TBC1D5: variants seen among roughly 807,000 people sequenced by gnomAD.
TBC1D5 encodes TBC1 domain family member 5, also known as TBC1 domain family, member 5.
Under a neutral mutation model 100.3 loss-of-function variants are expected in TBC1D5, and 75 were observed. The ratio of observed to expected loss-of-function variants is 0.75; its 90% CI spans 0.62 to 0.91. The LOEUF (loss-of-function observed/expected upper bound fraction) is 0.91. TBC1D5 is among the 40% of genes least tolerant of loss of function. The pLI is 0.00. For missense variants in TBC1D5, 910 were observed against 942.4 expected, an observed-to-expected ratio of 0.97 and a Z score of 0.45; for synonymous variants, 323 against 325.6, an observed-to-expected ratio of 0.99 and a Z score of 0.09.
At chr3:17,385,116 C>G (rs2093098686) in intron 8 of TBC1D5, among the ~76,000 whole-genome samples, 1 of 151,938 alleles carries the variant, frequency 6.6e-6, no homozygotes, top group South Asian at 2.1e-4. Context: ...TGCTTAACTG[C>G]CTCATCTATT....
intron 2 of TBC1D5, among the ~76,000 whole-genome samples, chr3:17,567,606 TA>T (rs1177303438): frequency 2.6e-5 from 4 of 151,694 alleles, no homozygotes; most frequent in Non-Finnish European, 5.9e-5. Flanking sequence ...GATGGGAACT[TA>T]AACATGTAAT....
intron 13 of TBC1D5, among the ~76,000 whole-genome samples, chr3:17,327,961 T>G (rs1207133960): frequency 3.3e-5 from 5 of 152,268 alleles, no homozygotes; most frequent in Admixed American, 6.5e-5. Context: ...TAGAGTTGGA[T>G]GTGACTTTAA....
At chr3:17,595,885 G>A (rs1218777584) in intron 2 of TBC1D5, among the ~76,000 whole-genome samples, 1 of 152,162 alleles carries the variant, frequency 6.6e-6, no homozygotes. Flanking sequence ...CTTGCTAGAA[G>A]TGTTAACATT....
chr3:17,662,319 A>G (rs949307857), intron 1 of TBC1D5, among the ~76,000 whole-genome samples: 9 of 152,200 alleles, frequency 5.9e-5, no homozygotes, highest in African/African-American at 1.9e-4. Context: ...GAGTTAAGCC[A>G]TTTTATCTCC....
chr3:17,272,103 G>A (rs1285982225), intron 15 of TBC1D5, among the ~76,000 whole-genome samples: 1 of 152,118 alleles, frequency 6.6e-6, no homozygotes, highest in African/African-American at 2.4e-5. Context: ...GAAAGGAGAG[G>A]TGCAGCTTAG....
chr3:17,345,970 A>C (rs1277264927), intron 13 of TBC1D5, among the ~76,000 whole-genome samples: 1 of 152,016 alleles, frequency 6.6e-6, no homozygotes, highest in African/African-American at 2.4e-5. Flanking sequence ...CCTAATGCTA[A>C]ATGACGAGTT....
At chr3:17,194,985 A>G (rs2070459063) in intron 18 of TBC1D5, among the ~76,000 whole-genome samples, 1 of 152,252 alleles carries the variant, frequency 6.6e-6, no homozygotes, top group Non-Finnish European at 1.5e-5. Context: ...ATTAGGACCA[A>G]CTTCACATAG....
At chr3:17,414,434 A>G (rs1222048813) in intron 4 of TBC1D5, among the ~76,000 whole-genome samples, 3 of 152,242 alleles carry the variant, frequency 2.0e-5, no homozygotes, top group Non-Finnish European at 2.9e-5. Flanking sequence ...AAAGATTTCA[A>G]TCAATGCCAA....
intron 1 of TBC1D5, among the ~76,000 whole-genome samples, chr3:17,675,044 T>G (rs2068445714): frequency 6.6e-6 from 1 of 152,042 alleles, no homozygotes; most frequent in African/African-American, 2.4e-5. Flanking sequence ...ACTCTAATTT[T>G]TAAAATTTGA....
chr3:17,456,430 A>G (rs1179679666), intron 3 of TBC1D5, among the ~76,000 whole-genome samples: 2 of 152,224 alleles, frequency 1.3e-5, no homozygotes, highest in Admixed American at 6.5e-5. Flanking sequence ...AAGACTATAT[A>G]AGGAGCTCAC....
intron 8 of TBC1D5, among the ~76,000 whole-genome samples, chr3:17,395,664 C>T (rs895973525): frequency 1.3e-5 from 2 of 152,086 alleles, no homozygotes; most frequent in African/African-American, 2.4e-5. Flanking sequence ...AAAGCAAAAA[C>T]TCTATTGGTC....
At chr3:17,566,227 G>A (rs1470592866) in intron 2 of TBC1D5, among the ~76,000 whole-genome samples, 2 of 152,006 alleles carry the variant, frequency 1.3e-5, no homozygotes, top group Admixed American at 6.6e-5. Flanking sequence ...ACAGTCTGCT[G>A]TGAACATGTG....
Position 17,541,434 on chromosome 3 carries a change from G to C in TBC1D5, c.-35-32829C>G, listed in dbSNP as rs149170249. 3.5e-3 allele frequency among the ~76,000 whole-genome samples: 539 copies of C among 152,006 alleles called. 5 individuals carry two copies. The highest frequency in any genetic ancestry group is 6.4e-3 in the Non-Finnish European group (435 of 67,958). On this transcript the variant is annotated intron_variant, in intron 2 of 21. Coordinates refer to ENST00000253692, the Ensembl canonical transcript of TBC1D5. ...TTTCACTTCCCTGGTTAATTCCTAA[G>C]TATTTTTTTTGATGCTATTGTAAAT...
intron 3 of TBC1D5, among the ~76,000 whole-genome samples, chr3:17,493,117 A>G (rs895588578): frequency 6.6e-6 from 1 of 152,206 alleles, no homozygotes; most frequent in Non-Finnish European, 1.5e-5. Flanking sequence ...AGATCTTGCA[A>G]GGCAAGCCTA....
At chr3:17,175,032 G>A (rs1204333428) in intron 19 of TBC1D5, among the ~76,000 whole-genome samples, 2 of 152,348 alleles carry the variant, frequency 1.3e-5, no homozygotes, top group East Asian at 1.9e-4. Flanking sequence ...AGATTTAAGA[G>A]ATACTAATAT....
chr3:17,394,594 T>A (rs904435874), intron 8 of TBC1D5, among the ~76,000 whole-genome samples: 2 of 152,064 alleles, frequency 1.3e-5, no homozygotes, highest in Non-Finnish European at 2.9e-5. Context: ...AACAGACATC[T>A]TACAGATAAT....
At chr3:17,721,996 T>C (rs1242286778) in intron 1 of TBC1D5, among the ~76,000 whole-genome samples, 1 of 151,976 alleles carries the variant, frequency 6.6e-6, no homozygotes, top group Non-Finnish European at 1.5e-5. Context: ...AATTAATTAA[T>C]TAACTACTAC....
chr3:17,540,931 A>G (rs1308870621), intron 2 of TBC1D5, among the ~76,000 whole-genome samples: 1 of 148,754 alleles, frequency 6.7e-6, no homozygotes, highest in African/African-American at 2.5e-5. Context: ...AAAAAAAAAA[A>G]AGTAAGAAAA....
At chr3:17,693,292 G>C (rs993228134) in intron 1 of TBC1D5, among the ~76,000 whole-genome samples, 1 of 152,224 alleles carries the variant, frequency 6.6e-6, no homozygotes, top group Non-Finnish European at 1.5e-5. Flanking sequence ...TGACTCAACC[G>C]GGAAGTGCAA....
Sources: gnomAD v4.1 joint callset for allele counts (sites outside exome capture counted in the v4.1 genomes callset) on GRCh38, gnomAD v4.1.1 for gene constraint, MANE v1.5 for transcripts, NCBI Gene and HGNC (gene_info 2026-07-23, HGNC 2026-07-21) for gene names.